Variants in FAM83B observed in about 807,000 individuals in gnomAD.
The protein encoded by FAM83B is scaffolding CK1 anchoring protein B, also known as protein FAM83B.
Under a neutral mutation model 38.8 loss-of-function variants are expected in FAM83B, and 26 were observed. The ratio of observed to expected loss-of-function variants is 0.67; its 90% CI spans 0.49 to 0.93. FAM83B has a LOEUF of 0.93. Among genes scored for constraint, FAM83B ranks in the 40% least tolerant of loss-of-function variants. FAM83B has a pLI of 0.00. For synonymous variants in FAM83B, 419 were observed against 423.1 expected (o/e 0.99, Z 0.12); for missense variants, 1,237 against 1,197.3 (o/e 1.03, Z -0.49).
intron 2 of FAM83B, among the ~76,000 whole-genome samples, chr6:54,890,589 A>G (rs903456618): frequency 3.3e-5 from 5 of 152,066 alleles, no homozygotes; most frequent in Non-Finnish European, 7.4e-5. Context: ...CAAAGAATGC[A>G]CTCATCAGTT....
Position 54,942,708 on chromosome 6 carries a change from T to C in FAM83B, c.*701T>C, listed in dbSNP as rs1295368565. Among the ~76,000 whole-genome samples the C allele has an allele frequency of 4.3e-5, 6 of 140,170 alleles. No homozygotes were observed. The highest frequency in any genetic ancestry group is 2.0e-4 in the African/African-American group (6 of 30,420). 92.0% of individuals were successfully genotyped at this position (140,170 alleles called of 152,430 possible). A position where few individuals can be genotyped will look rare whatever the true frequency, so the allele number is the denominator to read the frequency against. ...TGGACCCAGGGAGCTGTCCCCCTCT[T>C]ACCCATAGGCTGCTGATTTTTTATA... On this transcript the variant is annotated 3_prime_UTR_variant, in exon 5 of 5. Coordinates refer to ENST00000306858, the MANE Select transcript of FAM83B (RefSeq NM_001010872.3).
chr6:54,876,144 A>G (rs1771987484), intron 2 of FAM83B, among the ~76,000 whole-genome samples: 1 of 151,888 alleles, frequency 6.6e-6, no homozygotes, highest in Non-Finnish European at 1.5e-5. Context: ...AAAAGAATTT[A>G]GCTTTAAAAA....
At position 54,939,914 on chromosome 6, in the gene FAM83B, T is replaced by A. The variant is rs751680095; in HGVS notation, c.943T>A (p.Ser315Thr). ...TYQHSVSSLA[S>T]VSSQRNLFGR... ...CCAGCATTCGGTGTCTTCATTAGCA[T>A]CTGTTTCCAGCCAGAGAAACCTTTT... The change falls in exon 5 of 5, where the codon TCT becomes ACT. Residue 315 changes from serine to threonine, a missense_variant. By Grantham distance (58) the Ser-to-Thr change is moderately conservative. Transcript: ENST00000306858. The A allele has an allele frequency of 6.2e-7, 1 of 1,614,070 alleles. No homozygotes were observed. The highest frequency in any genetic ancestry group is 8.5e-7 in the Non-Finnish European group (1 of 1,179,978).
chr6:54,896,977 A>G (rs1386806808), intron 2 of FAM83B, among the ~76,000 whole-genome samples: 1 of 152,236 alleles, frequency 6.6e-6, no homozygotes, highest in Non-Finnish European at 1.5e-5. Context: ...ATACTGTAAC[A>G]GTAAGAATGC....
chr6:54,938,350 TATA>T (rs1384513713), intron 4 of FAM83B, among the ~76,000 whole-genome samples: 3 of 152,158 alleles, frequency 2.0e-5, no homozygotes, highest in African/African-American at 7.2e-5. Flanking sequence ...GTGTTTTTCA[TATA>T]ATAACTTCTT....
intron 2 of FAM83B, among the ~76,000 whole-genome samples, chr6:54,915,030 A>G (rs760908308): frequency 2.0e-5 from 3 of 152,076 alleles, no homozygotes; most frequent in Non-Finnish European, 4.4e-5. Context: ...GATATCTTCT[A>G]TCATCAAGCA....
chr6:54,857,067 C>T (rs2127572323), intron 1 of FAM83B, among the ~76,000 whole-genome samples: 1 of 152,254 alleles, frequency 6.6e-6, no homozygotes, highest in African/African-American at 2.4e-5. Flanking sequence ...AACAATTTTA[C>T]TTTTTATGAA....
At position 54,941,115 on chromosome 6, in the gene FAM83B, A is replaced by C. The variant is rs767514130; in HGVS notation, c.2144A>C (p.His715Pro). 6.2e-7 allele frequency: 1 copy of C among 1,613,810 alleles called. No homozygotes were observed. The highest frequency in any genetic ancestry group is 8.5e-7 in the Non-Finnish European group (1 of 1,179,918). The stretch of plus-strand genomic sequence containing the variant: ...TCTAAAAGCATGCACAATGTGACTC[A>C]TAACTTGGAGGAGGATGAGGAGGAA... ...KSSKSMHNVT[H>P]NLEEDEEEVT... Residue 715 changes from histidine to proline, a missense_variant, in exon 5 of 5, where the codon CAT becomes CCT. By Grantham distance (77) the His-to-Pro change is moderately conservative. Coordinates refer to ENST00000306858, the MANE Select transcript of FAM83B (RefSeq NM_001010872.3).
chr6:54,870,435 T>C lies in FAM83B; in HGVS notation c.189T>C (p.Tyr63=). 6.2e-7 allele frequency: 1 copy of C among 1,614,104 alleles called. No homozygotes were observed. Among genetic ancestry groups the C allele is most frequent in the Non-Finnish European group, 8.5e-7 (1 of 1,179,974 alleles). ...SDFLAEEEIN[Y]ILKNVQKVAQ... Reference sequence around the variant, plus strand: ...TTCTTGCTGAGGAAGAAATTAATTATATTTTGAAAAATGTCCAGAAAGTTG... The same window carrying C: ...TTCTTGCTGAGGAAGAAATTAATTACATTTTGAAAAATGTCCAGAAAGTTG... Residue 63 remains tyrosine, a synonymous_variant, in exon 2 of 5, where the codon TAT becomes TAC. Coordinates refer to ENST00000306858, the MANE Select transcript of FAM83B (RefSeq NM_001010872.3).
At chr6:54,929,406 G>A (rs1773375131) in intron 4 of FAM83B, among the ~76,000 whole-genome samples, 2 of 152,010 alleles carry the variant, frequency 1.3e-5, no homozygotes, top group Admixed American at 1.3e-4. Flanking sequence ...TCCTGGAGAG[G>A]CCCAGAATCT....
chr6:54,886,302 GA>G (rs1175406606), intron 2 of FAM83B, among the ~76,000 whole-genome samples: 1 of 130,918 alleles, frequency 7.6e-6, no homozygotes, highest in Non-Finnish European at 1.7e-5. Context: ...CCCACATAAT[GA>G]TTTTTTTTTG....
chr6:54,859,261 C>T (rs931247423), intron 1 of FAM83B, among the ~76,000 whole-genome samples: 2 of 152,118 alleles, frequency 1.3e-5, no homozygotes, highest in Admixed American at 6.5e-5. Flanking sequence ...TGGGTTTCGC[C>T]ATGTTGGCCA....
chr6:54,873,484 A>G (rs982660335), intron 2 of FAM83B, among the ~76,000 whole-genome samples: 2 of 152,178 alleles, frequency 1.3e-5, no homozygotes, highest in African/African-American at 2.4e-5. Flanking sequence ...TTTCATGACT[A>G]TCATTTACTC....
chr6:54,930,176 A>G (rs904791485), intron 4 of FAM83B, among the ~76,000 whole-genome samples: 3 of 152,160 alleles, frequency 2.0e-5, no homozygotes, highest in Admixed American at 2.0e-4. Context: ...AATTGTGTCA[A>G]AATGGATCAC....
intron 2 of FAM83B, among the ~76,000 whole-genome samples, chr6:54,891,774 A>G (rs1772408689): frequency 6.6e-6 from 1 of 152,026 alleles, no homozygotes. Flanking sequence ...TTCCTCTCTC[A>G]TTGTATACCT....
At chr6:54,908,238 A>C (rs1375746558) in intron 2 of FAM83B, among the ~76,000 whole-genome samples, 1 of 151,498 alleles carries the variant, frequency 6.6e-6, no homozygotes, top group Admixed American at 6.6e-5. Context: ...TTCACTCTCA[A>C]ACTCCTTATT....
At chr6:54,909,357 T>C (rs1039696526) in intron 2 of FAM83B, among the ~76,000 whole-genome samples, 1 of 152,144 alleles carries the variant, frequency 6.6e-6, no homozygotes. Flanking sequence ...AGATTCCAGA[T>C]GAAAACTATT....
chr6:54,940,686 A>C lies in FAM83B; in HGVS notation c.1715A>C (p.Gln572Pro). 1 of 1,614,062 alleles carries C rather than the reference A, an allele frequency of 6.2e-7. No individual in the cohort carries two copies. Among genetic ancestry groups the C allele is most frequent in the Non-Finnish European group, 8.5e-7 (1 of 1,180,008 alleles). ...GSSNSTIIGS[Q>P]GSETPKEVPD... ...TCAAATTCAACTATCATTGGTTCTCAGGGAAGTGAGACACCTAAAGAGGTC... is the reference window on the plus strand; with the variant it reads ...TCAAATTCAACTATCATTGGTTCTCCGGGAAGTGAGACACCTAAAGAGGTC... The change falls in exon 5 of 5, where the codon CAG becomes CCG. Residue 572 changes from glutamine to proline, a missense_variant. Physicochemically the swap from Gln to Pro is moderately conservative, Grantham distance 76. Transcript: ENST00000306858.
chr6:54,884,657 A>G (rs1772225536), intron 2 of FAM83B, among the ~76,000 whole-genome samples: 1 of 152,040 alleles, frequency 6.6e-6, no homozygotes, highest in African/African-American at 2.4e-5. Flanking sequence ...CCACTTACAT[A>G]TGGGTATATT....
Sources: gnomAD v4.1 joint callset for allele counts (sites outside exome capture counted in the v4.1 genomes callset) on GRCh38, gnomAD v4.1.1 for gene constraint, MANE v1.5 for transcripts, NCBI Gene and HGNC (gene_info 2026-07-23, HGNC 2026-07-21) for gene names.